The following PPDPF variants were observed in gnomAD, a reference collection of about 807,000 sequenced individuals.
PPDPF encodes the protein exocrine differentiation and proliferation factor.
Under a neutral mutation model 6.3 loss-of-function variants are expected in PPDPF, and 11 were observed. That is an observed-to-expected ratio of 1.76 (90% confidence interval 1.11 to 2.91). PPDPF has a LOEUF of 2.91. Among genes scored for constraint, PPDPF ranks in the 30% most tolerant of loss-of-function variants. The pLI is 0.00. For missense variants in PPDPF, 202 were observed against 159.4 expected (o/e 1.27, Z -1.44); for synonymous variants, 86 against 64.5 (o/e 1.33, Z -1.60).
chr20:63,521,237 T>G (rs2082541332), intron 1 of PPDPF, 47 bp from the exon 2 acceptor site: 3 of 1,486,992 alleles, frequency 2.0e-6, no homozygotes, highest in Admixed American at 2.1e-5. Flanking sequence ...GCGCCCTTCA[T>G]GACGGAAGGC....
intron 3 of PPDPF, 32 bp from the exon 4 acceptor site, chr20:63,521,636 G>A (rs1397963757): frequency 1.2e-6 from 2 of 1,612,712 alleles, no homozygotes; most frequent in South Asian, 2.2e-5. Flanking sequence ...CCAGGAGCTG[G>A]CAGCATCAAG....
At chr20:63,521,254 C>A in intron 1 of PPDPF, 30 bp from the exon 2 acceptor site, 1 of 1,545,030 alleles carries the variant, frequency 6.5e-7, no homozygotes, top group Non-Finnish European at 8.8e-7. Context: ...AGGCCGCTGA[C>A]CCGAGGGGCT....
At chr20:63,520,944 G>T (rs1011997491) in intron 1 of PPDPF, 50 bp downstream of exon 1, 3 of 1,013,506 alleles carry the variant, frequency 3.0e-6, no homozygotes, top group Non-Finnish European at 3.5e-6. Context: ...GGGGCGGGGG[G>T]CGAGGGGCGG....
At position 63,520,801 on chromosome 20, in the gene PPDPF, C is replaced by A. The variant is rs1394021595; in HGVS notation, c.-119C>A. The A allele has an allele frequency of 1.5e-5, 15 of 984,792 alleles. No homozygotes were observed. Among genetic ancestry groups the A allele is most frequent in the Middle Eastern group, 5.2e-4 (1 of 1,934 alleles). 61.0% of individuals were successfully genotyped at this position (984,792 alleles called of 1,614,324 possible). A position where few individuals can be genotyped will look rare whatever the true frequency, so the allele number is the denominator to read the frequency against. ...GCCTCTCTGTCGTGGCGCGGCTTCC[C>A]GCGGTCTTCTCTGCAAATGGGCTCC... On this transcript the variant is annotated 5_prime_UTR_variant, in exon 1 of 4. Coordinates refer to ENST00000370179, the MANE Select transcript of PPDPF (RefSeq NM_024299.4).
At chr20:63,520,746 G>A, upstream of PPDPF, 2 of 984,760 alleles carry the variant, frequency 2.0e-6, no homozygotes, top group Non-Finnish European at 2.4e-6. Context: ...CATATAAGTG[G>A]GCGCGTCCGC....
chr20:63,521,702 C>G lies in PPDPF; in HGVS notation c.168C>G (p.Ala56=), dbSNP rs141846210. The G allele has an allele frequency of 1.5e-5, 24 of 1,613,360 alleles. No homozygotes were observed. Among genetic ancestry groups the G allele is most frequent in the Non-Finnish European group, 1.9e-5 (22 of 1,180,012 alleles). The change falls in exon 4 of 4, where the codon GCC becomes GCG. Residue 56 remains alanine, a synonymous_variant. Transcript: ENST00000370179. ...LPKADPGHWW[A]SFFFGKSTLP... The stretch of plus-strand genomic sequence containing the variant: ...AGGCTGACCCGGGTCATTGGTGGGC[C>G]AGCTTCTTTTTCGGGAAGTCCACCC...
intron 1 of PPDPF, 141 bp from the exon 2 acceptor site, chr20:63,521,143 G>A (rs1209518489): frequency 4.3e-6 from 4 of 922,180 alleles, no homozygotes; most frequent in African/African-American, 1.8e-5. Context: ...AGCCGCCCGC[G>A]CCCCGCGCGG....
Position 63,521,146 on chromosome 20 carries a change from C to T in PPDPF, c.-25-138C>T, listed in dbSNP as rs527639532. 2,919 of 952,298 alleles carry T rather than the reference C, an allele frequency of 3.1e-3. 11 individuals are homozygous for T. The highest frequency in any genetic ancestry group is 0.02 in the Middle Eastern group (60 of 2,984). 59.0% of individuals were successfully genotyped at this position (952,298 alleles called of 1,614,324 possible). On this transcript the variant is annotated intron_variant, in intron 1 of 3. Coordinates refer to ENST00000370179, the MANE Select transcript of PPDPF (RefSeq NM_024299.4). ...TGGGCTGGTTGGAGCCGCCCGCGCC[C>T]CGCGCGGCGAAGGCGGTGCCGGGAG... is the stretch of plus-strand genomic sequence containing the variant.
Position 63,521,657 on chromosome 20 carries a change from G to A in PPDPF, c.134-11G>A, listed in dbSNP as rs558971346. ...GCTGGCAGCATCAAGACCCCACTTC[G>A]CTTCTCTCAGGTCTCCCCAAGGCTG... On this transcript the variant is annotated splice_polypyrimidine_tract_variant and intron_variant, in intron 3 of 3. Transcript: ENST00000370179. 106 of 1,613,078 alleles carry A rather than the reference G, an allele frequency of 6.6e-5. No homozygotes were observed. Among genetic ancestry groups the A allele is most frequent in the Non-Finnish European group, 8.2e-5 (97 of 1,179,888 alleles).
chr20:63,521,346 C>T lies in PPDPF; in HGVS notation c.38C>T (p.Thr13Ile). Residue 13 changes from threonine (T) to isoleucine (I), a missense_variant, in exon 2 of 4, where the codon ACC becomes ATC. By Grantham distance (89) the Thr-to-Ile change is moderately conservative. Coordinates refer to ENST00000370179, the MANE Select transcript of PPDPF (RefSeq NM_024299.4). ...CCCTCCAGCGGCTCGCTCGTGGCCA[C>T]CCACGACTACTACCGGCGTGAGTAG... is the stretch of plus-strand genomic sequence containing the variant. ...AIPSSGSLVA[T>I]HDYYRRRLGS... 1.2e-6 allele frequency: 2 copies of T among 1,609,202 alleles called. No individual in the cohort carries two copies. Among genetic ancestry groups the T allele is most frequent in the East Asian group, 2.2e-5 (1 of 44,498 alleles).
At chr20:63,521,050 C>T (rs34528028) in intron 1 of PPDPF, among the ~76,000 whole-genome samples, 156 bp downstream of exon 1, 20,258 of 151,800 alleles carry the variant, frequency 0.13, 1,821 homozygotes, top group Non-Finnish European at 0.19. Context: ...GGGACGGCGC[C>T]CACCAGGTTC....
Position 63,522,011 on chromosome 20 carries a change from C to T in PPDPF, c.*132C>T. The T allele has an allele frequency of 1.4e-6, 1 of 716,976 alleles. No homozygotes were observed. Among genetic ancestry groups the T allele is most frequent in the Non-Finnish European group, 2.4e-6 (1 of 416,328 alleles). 44.4% of individuals were successfully genotyped at this position (716,976 alleles called of 1,614,324 possible). A position where few individuals can be genotyped will look rare whatever the true frequency, so the allele number is the denominator to read the frequency against. On this transcript the variant is annotated 3_prime_UTR_variant, in exon 4 of 4. Transcript: ENST00000370179. The stretch of plus-strand genomic sequence containing the variant: ...ACCCCCCACCCTGTAAACTAGGCGG[C>T]TGCAGCAAGCAGACCTTCGCATCAA...
Position 63,522,100 on chromosome 20 carries a change from G to C in PPDPF, c.*221G>C. On this transcript the variant is annotated 3_prime_UTR_variant, in exon 4 of 4. Transcript: ENST00000370179. ...TACCGCCCGGCCCCAGCACTCGCTA[G>C]CTTTCCTGACACCTGGAACTGTGCA... 1 of 602,490 alleles carries C rather than the reference G, an allele frequency of 1.7e-6. No individual in the cohort carries two copies. The highest frequency in any genetic ancestry group is 2.0e-5 in the South Asian group (1 of 50,322). 37.3% of individuals were successfully genotyped at this position (602,490 alleles called of 1,614,324 possible).
In PPDPF at chr20:63,522,114, T is replaced by A; in HGVS notation, c.*235T>A. On this transcript the variant is annotated 3_prime_UTR_variant, in exon 4 of 4. Coordinates refer to ENST00000370179, the MANE Select transcript of PPDPF (RefSeq NM_024299.4). ...AGCACTCGCTAGCTTTCCTGACACC[T>A]GGAACTGTGCACCTGGCACCAAGCG... 3.5e-6 allele frequency: 2 copies of A among 571,108 alleles called. No individual in the cohort carries two copies. Among genetic ancestry groups the A allele is most frequent in the Non-Finnish European group, 6.5e-6 (2 of 309,042 alleles). 35.4% of individuals were successfully genotyped at this position (571,108 alleles called of 1,614,324 possible). A position where few individuals can be genotyped will look rare whatever the true frequency, so the allele number is the denominator to read the frequency against.
At position 63,521,741 on chromosome 20, in the gene PPDPF, C is replaced by A. The variant is rs1375688021; in HGVS notation, c.207C>A (p.Ala69=). 1.6e-5 allele frequency: 26 copies of A among 1,613,160 alleles called. No homozygotes were observed. The highest frequency in any genetic ancestry group is 2.0e-5 in the Non-Finnish European group (24 of 1,180,018). Residue 69 remains alanine (A), a synonymous_variant, in exon 4 of 4, where the codon GCC becomes GCA. Transcript: ENST00000370179. The part of the protein sequence containing the change: ...FFGKSTLPFM[A]TVLESAEHSE... The stretch of plus-strand genomic sequence containing the variant: ...GGAAGTCCACCCTCCCGTTCATGGC[C>A]ACGGTGTTGGAGTCCGCAGAGCACT...
Position 63,521,869 on chromosome 20 carries a change from C to G in PPDPF, c.335C>G (p.Pro112Arg). The change falls in exon 4 of 4, where the codon CCC (proline) becomes CGC (arginine). Residue 112 changes from proline to arginine, a missense_variant. Pro to Arg is a moderately radical substitution (Grantham distance 103, BLOSUM62 -2). Coordinates refer to ENST00000370179, the MANE Select transcript of PPDPF (RefSeq NM_024299.4). ...GGQSSTASAG[P>R]PS is the part of the protein sequence containing the mutation. ...CAGTCCAGCACAGCCAGCGCTGGGCCCCCGTCCTGACCTGAGCGGTTACCA... is the reference window on the plus strand; with the variant it reads ...CAGTCCAGCACAGCCAGCGCTGGGCGCCCGTCCTGACCTGAGCGGTTACCA... The G allele has an allele frequency of 6.3e-7, 1 of 1,589,656 alleles. No individual in the cohort carries two copies. Among genetic ancestry groups the G allele is most frequent in the Non-Finnish European group, 8.6e-7 (1 of 1,168,944 alleles).
chr20:63,521,390 G>T, intron 2 of PPDPF, 27 bp downstream of exon 2: 2 of 1,604,082 alleles, frequency 1.2e-6, no homozygotes, highest in South Asian at 1.1e-5. Flanking sequence ...CCCCATCCAC[G>T]CGGATGCTCT....
At chr20:63,521,618 C>G (rs368244793) in intron 3 of PPDPF, 29 bp downstream of exon 3, 20 of 1,611,980 alleles carry the variant, frequency 1.2e-5, no homozygotes, top group East Asian at 2.2e-5. Context: ...CTTTCTCCCC[C>G]CGCTCCTCCA....
rs985571674 is a variant in PPDPF, at chr20:63,522,159, C to T, written c.*280C>T. ...CAAGCGGAAAATAAACTCCAAGCAG[C>T]CAGTAGCCCCGATGGTGTGTGCCTG... On this transcript the variant is annotated 3_prime_UTR_variant, in exon 4 of 4. Coordinates refer to ENST00000370179, the MANE Select transcript of PPDPF (RefSeq NM_024299.4). 4.2e-5 allele frequency: 22 copies of T among 519,302 alleles called. No individual in the cohort carries two copies. Among genetic ancestry groups the T allele is most frequent in the Non-Finnish European group, 6.4e-5 (18 of 283,072 alleles). 32.2% of individuals were successfully genotyped at this position (519,302 alleles called of 1,614,324 possible).
Sources: gnomAD v4.1 joint callset for allele counts (sites outside exome capture counted in the v4.1 genomes callset) on GRCh38, gnomAD v4.1.1 for gene constraint, MANE v1.5 for transcripts, NCBI Gene and HGNC (gene_info 2026-07-23, HGNC 2026-07-21) for gene names.